TTLL11: variants seen among roughly 807,000 people sequenced by gnomAD.
TTLL11 encodes the protein tubulin tyrosine ligase like 11.
TTLL11 carries 42 observed loss-of-function variants against 51.7 expected under a neutral mutation model. That is an observed-to-expected ratio of 0.81 (90% CI 0.64 to 1.05). The LOEUF is 1.05. Among genes scored for constraint, TTLL11 ranks in the 50% least tolerant of loss-of-function variants. The pLI is 0.00. For synonymous variants in TTLL11, 381 were observed against 383.5 expected (o/e 0.99, Z 0.08); for missense variants, 799 against 940.4 (o/e 0.85, Z 1.97).
At chr9:121,836,126 G>A (rs966675026) in intron 8 of TTLL11, among the ~76,000 whole-genome samples, 1 of 152,164 alleles carries the variant, frequency 6.6e-6, no homozygotes, top group African/African-American at 2.4e-5. Context: ...AATCTGGATG[G>A]TAGATGCTTT....
intron 1 of TTLL11, among the ~76,000 whole-genome samples, chr9:122,065,448 T>C (rs1845558711): frequency 6.6e-6 from 1 of 152,226 alleles, no homozygotes; most frequent in African/African-American, 2.4e-5. Flanking sequence ...TAGCATAGGT[T>C]ATGTGACTTC....
chr9:122,065,485 C>T (rs1487374301), intron 1 of TTLL11, among the ~76,000 whole-genome samples: 2 of 152,164 alleles, frequency 1.3e-5, no homozygotes, highest in Non-Finnish European at 2.9e-5. Flanking sequence ...ATTCCCACAC[C>T]AGGAGGCTCA....
At chr9:121,998,618 A>G (rs1240912835) in intron 3 of TTLL11, among the ~76,000 whole-genome samples, 1 of 151,234 alleles carries the variant, frequency 6.6e-6, no homozygotes, top group East Asian at 1.9e-4. Context: ...AAGAATATCA[A>G]TGTCTTATTT....
At chr9:121,871,945 C>T (rs1838373883) in intron 6 of TTLL11, among the ~76,000 whole-genome samples, 1 of 152,240 alleles carries the variant, frequency 6.6e-6, no homozygotes, top group Admixed American at 6.5e-5. Context: ...TGGGGCCAGG[C>T]GTAGCCCTCT....
intron 8 of TTLL11, among the ~76,000 whole-genome samples, chr9:121,855,329 A>C (rs1401260593): frequency 6.6e-6 from 1 of 152,212 alleles, no homozygotes; most frequent in Non-Finnish European, 1.5e-5. Context: ...ATCAAAAGCA[A>C]ATTTATTTAA....
intron 7 of TTLL11, among the ~76,000 whole-genome samples, chr9:121,863,928 T>G (rs1281752542): frequency 6.6e-6 from 1 of 152,140 alleles, no homozygotes; most frequent in Non-Finnish European, 1.5e-5. Flanking sequence ...AGTCCAGGGC[T>G]GCAGGAGGGA....
chr9:121,860,163 C>T lies in TTLL11; in HGVS notation c.1840+174G>A, dbSNP rs779563297. Among the ~76,000 whole-genome samples, 11 of 152,306 alleles carry T rather than the reference C, an allele frequency of 7.2e-5. No homozygotes were observed. The East Asian group carries it at 1.7e-3, about 24-fold the overall frequency. Reference sequence around the variant, plus strand: ...GAATGCTAACGGTGGTATGAGAATTCGGTAGCAGACAGTGCTCCAGCATTT... The same window carrying T: ...GAATGCTAACGGTGGTATGAGAATTTGGTAGCAGACAGTGCTCCAGCATTT... On this transcript the variant is annotated intron_variant, in intron 8 of 8. Coordinates refer to ENST00000321582, the MANE Select transcript of TTLL11 (RefSeq NM_001139442.2).
chr9:122,043,305 A>G (rs1392264982), intron 1 of TTLL11, among the ~76,000 whole-genome samples: 3 of 152,236 alleles, frequency 2.0e-5, no homozygotes, highest in Non-Finnish European at 2.9e-5. Flanking sequence ...TATAGAGGAC[A>G]GTGGGATAGG....
intron 8 of TTLL11, among the ~76,000 whole-genome samples, chr9:121,826,510 T>C (rs1347382869): frequency 6.3e-5 from 3 of 47,694 alleles, no homozygotes; most frequent in African/African-American, 2.8e-4. Flanking sequence ...TGTATATATA[T>C]ATATGTATAT....
At chr9:122,009,132 T>C (rs1272384094) in intron 3 of TTLL11, among the ~76,000 whole-genome samples, 1 of 152,220 alleles carries the variant, frequency 6.6e-6, no homozygotes, top group Non-Finnish European at 1.5e-5. Context: ...GTATAGTTAA[T>C]AACAATGTAT....
intron 8 of TTLL11, among the ~76,000 whole-genome samples, chr9:121,826,451 C>A (rs1403811451): frequency 7.3e-5 from 6 of 82,204 alleles, no homozygotes; most frequent in Admixed American, 2.7e-4. Context: ...ATGGGTAAAA[C>A]CATATATATA....
chr9:121,905,685 A>G (rs1839920194), intron 6 of TTLL11, among the ~76,000 whole-genome samples: 2 of 152,154 alleles, frequency 1.3e-5, no homozygotes, highest in African/African-American at 4.8e-5. Context: ...TTTTTGCCAT[A>G]TCACCAAGTT....
intron 8 of TTLL11, among the ~76,000 whole-genome samples, chr9:121,827,353 T>C (rs1237874748): frequency 1.3e-5 from 2 of 152,042 alleles, no homozygotes; most frequent in South Asian, 2.1e-4. Context: ...CCTGAGGCCC[T>C]TGAACCCTTG....
At chr9:122,010,141 A>C (rs1272555437) in intron 3 of TTLL11, among the ~76,000 whole-genome samples, 2 of 152,164 alleles carry the variant, frequency 1.3e-5, no homozygotes, top group African/African-American at 4.8e-5. Context: ...TTAATCTGAC[A>C]GTTCATTCTT....
chr9:121,917,549 AAGAAAAAG>A (rs1326152070), intron 6 of TTLL11, among the ~76,000 whole-genome samples: 1 of 145,864 alleles, frequency 6.9e-6, no homozygotes, highest in African/African-American at 2.6e-5. Context: ...AAGGAAGAAA[AAGAAAAAG>A]AAAGAAAGAA....
intron 6 of TTLL11, among the ~76,000 whole-genome samples, chr9:121,896,207 G>T (rs1313650415): frequency 5.3e-5 from 8 of 152,082 alleles, no homozygotes; most frequent in Admixed American, 4.6e-4. Flanking sequence ...CCCAAGACAC[G>T]GAATGCTGGG....
At chr9:121,921,384 G>C (rs1260291774) in intron 6 of TTLL11, among the ~76,000 whole-genome samples, 1 of 152,198 alleles carries the variant, frequency 6.6e-6, no homozygotes, top group African/African-American at 2.4e-5. Context: ...AGGCAGGGGG[G>C]TGAACAGAGC....
At chr9:121,964,631 G>A (rs1036271368) in intron 6 of TTLL11, among the ~76,000 whole-genome samples, 9 of 151,972 alleles carry the variant, frequency 5.9e-5, no homozygotes, top group Admixed American at 2.6e-4. Flanking sequence ...ATAAACCTCC[G>A]GCTTTGGGTT....
At position 122,093,199 on chromosome 9, in the gene TTLL11, C is replaced by T. The variant is rs1846319144; in HGVS notation, c.-51G>A. 4 of 1,489,990 alleles carry T rather than the reference C, an allele frequency of 2.7e-6. No homozygotes were observed. The highest frequency in any genetic ancestry group is 2.8e-5 in the East Asian group (1 of 36,158). 92.3% of individuals were successfully genotyped at this position (1,489,990 alleles called of 1,614,324 possible). A position where few individuals can be genotyped will look rare whatever the true frequency, so the allele number is the denominator to read the frequency against. ...AGTGCCACCGCCGCCGCCGCCGCCG[C>T]TCCGCCGCCCCAGTCCGCCACCAAA... On this transcript the variant is annotated 5_prime_UTR_variant, in exon 1 of 9. Transcript: ENST00000321582.
Sources: gnomAD v4.1 joint callset for allele counts (sites outside exome capture counted in the v4.1 genomes callset) on GRCh38, gnomAD v4.1.1 for gene constraint, MANE v1.5 for transcripts, NCBI Gene and HGNC (gene_info 2026-07-23, HGNC 2026-07-21) for gene names.